The following GOLIM4 variants were observed in gnomAD, a reference collection of about 807,000 sequenced individuals.
GOLIM4 encodes golgi integral membrane protein 4.
Under a neutral mutation model 107.4 loss-of-function variants are expected in GOLIM4, and 71 were observed. That is an observed-to-expected ratio of 0.66 (90% confidence interval 0.55 to 0.81). GOLIM4 has a LOEUF of 0.81. Among genes scored for constraint, GOLIM4 ranks in the 30% least tolerant of loss-of-function variants. GOLIM4 has a pLI of 0.00. For missense variants in GOLIM4, 830 were observed against 826.1 expected (o/e 1.00, Z -0.06); for synonymous variants, 327 against 294.8 (o/e 1.11, Z -1.12).
rs201657300 is a variant in GOLIM4, at chr3:168,095,067, GC to G, written c.187+31del. On this transcript the variant is annotated intron_variant, in intron 1 of 15. Transcript: ENST00000470487. Reference sequence around the variant, plus strand: ...CGGGTGGAGGCGCGGGGCAAAGTTGGCCACCGGCTGCGCGCGTCCCGTTAGC... The same window carrying G: ...CGGGTGGAGGCGCGGGGCAAAGTTGGCACCGGCTGCGCGCGTCCCGTTAGC... 1.5e-3 allele frequency: 2,353 copies of G among 1,555,792 alleles called. 39 individuals are homozygous for G. The African/African-American group carries it at 0.028, about 18-fold the overall frequency.
intron 1 of GOLIM4, among the ~76,000 whole-genome samples, chr3:168,072,988 T>C (rs9820006): frequency 0.082 from 12,500 of 152,268 alleles, 1,667 homozygotes; most frequent in African/African-American, 0.29. Flanking sequence ...TTACCATTTC[T>C]ATAATACTTA....
intron 1 of GOLIM4, among the ~76,000 whole-genome samples, chr3:168,065,035 A>C (rs1055276048): frequency 1.3e-5 from 2 of 152,114 alleles, no homozygotes; most frequent in Non-Finnish European, 2.9e-5. Context: ...GGATTTTTCA[A>C]GTAGTTTGGG....
Position 168,020,311 on chromosome 3 carries a change from G to A in GOLIM4, c.1860+4215C>T, listed in dbSNP as rs148124288. 1.4e-3 allele frequency among the ~76,000 whole-genome samples: 220 copies of A among 152,224 alleles called. No individual in the cohort carries two copies. The East Asian group carries it at 0.018, about 12-fold the overall frequency. Reference sequence around the variant, plus strand: ...CAAATGGGCATATATACACAGATAGGAGTTTCAGACTTCCCAGATGCCATC... The same window carrying A: ...CAAATGGGCATATATACACAGATAGAAGTTTCAGACTTCCCAGATGCCATC... On this transcript the variant is annotated intron_variant, in intron 14 of 15. Transcript: ENST00000470487.
rs1389494630 is a variant in GOLIM4, at chr3:168,095,921, C to T, written c.-636G>A. On this transcript the variant is annotated 5_prime_UTR_variant, in exon 1 of 16. Transcript: ENST00000470487. ...AACTTACGTGTCACCCACGGCCCGG[C>T]TATTCTGGCCAACGGGATTCCGGGA... 6.6e-6 allele frequency: 1 copy of T among 152,414 alleles called. No individual in the cohort carries two copies. Among genetic ancestry groups the T allele is most frequent in the Non-Finnish European group, 1.5e-5 (1 of 68,180 alleles). The allele number at this position is 152,414 out of a possible 1,614,324, so 9.4% of individuals were successfully genotyped here. A position where few individuals can be genotyped will look rare whatever the true frequency, so the allele number is the denominator to read the frequency against.
At position 168,010,477 on chromosome 3, in the gene GOLIM4, T is replaced by C. The variant is rs1398468817; in HGVS notation, c.1942-59A>G. 2.6e-6 allele frequency: 3 copies of C among 1,172,238 alleles called. No individual in the cohort carries two copies. The East Asian group carries it at 7.1e-5, about 28-fold the overall frequency. The allele number at this position is 1,172,238 out of a possible 1,614,324, so 72.6% of individuals were successfully genotyped here. The stretch of plus-strand genomic sequence containing the variant: ...ATAGTATAGAGTTAGTGATAAATAA[T>C]TCTCTCTAAAAACAGGATGAAAAAT... On this transcript the variant is annotated intron_variant, in intron 15 of 15. Coordinates refer to ENST00000470487, the MANE Select transcript of GOLIM4 (RefSeq NM_014498.5).
At chr3:168,023,140 G>C (rs985338562) in intron 14 of GOLIM4, among the ~76,000 whole-genome samples, 1 of 152,168 alleles carries the variant, frequency 6.6e-6, no homozygotes, top group Non-Finnish European at 1.5e-5. Flanking sequence ...TAAAAAAGAA[G>C]CCAAGGTGAA....
In GOLIM4 at chr3:168,041,454, C is replaced by T. The variant is rs931141621; in HGVS notation, c.538G>A (p.Glu180Lys). ...KLKETVYNLR[E>K]ENRQLRKAHQ... Reference sequence around the variant, plus strand: ...GCTTTCCTTAGTTGTCTATTCTCTTCTCTCAAATTGTATACAGTCTCTATT... The same window carrying T: ...GCTTTCCTTAGTTGTCTATTCTCTTTTCTCAAATTGTATACAGTCTCTATT... Residue 180 changes from glutamate to lysine, a missense_variant, in exon 6 of 16, where the codon GAA becomes AAA. Coordinates refer to ENST00000470487, the MANE Select transcript of GOLIM4 (RefSeq NM_014498.5). 1 of 1,552,168 alleles carries T rather than the reference C, an allele frequency of 6.4e-7. No homozygotes were observed. Among genetic ancestry groups the T allele is most frequent in the African/African-American group, 1.4e-5 (1 of 73,848 alleles).
chr3:168,038,789 T>A (rs1718805815), intron 7 of GOLIM4, among the ~76,000 whole-genome samples: 1 of 152,188 alleles, frequency 6.6e-6, no homozygotes, highest in Non-Finnish European at 1.5e-5. Flanking sequence ...AATGTTTGTG[T>A]CCTCTCAAAA....
chr3:168,084,446 T>C (rs1577577836), intron 1 of GOLIM4, among the ~76,000 whole-genome samples: 1 of 152,172 alleles, frequency 6.6e-6, no homozygotes, highest in Admixed American at 6.5e-5. Flanking sequence ...TGATTGGAAA[T>C]GGATTTTCTA....
At chr3:168,040,905 C>T (rs764603063) in intron 6 of GOLIM4, 36 bp from the exon 7 acceptor site, 4 of 1,323,788 alleles carry the variant, frequency 3.0e-6, no homozygotes, top group African/African-American at 1.4e-5. Context: ...TGAGCTTTAA[C>T]ATTCTACGAC....
intron 1 of GOLIM4, among the ~76,000 whole-genome samples, chr3:168,060,430 T>C (rs1196186612): frequency 6.6e-6 from 1 of 152,196 alleles, no homozygotes; most frequent in Non-Finnish European, 1.5e-5. Context: ...ATCAAACTAC[T>C]GCATGTTATC....
Position 168,048,335 on chromosome 3 carries a change from T to C in GOLIM4, c.218A>G (p.Lys73Arg). 6.5e-7 allele frequency: 1 copy of C among 1,539,104 alleles called. No individual in the cohort carries two copies. Among genetic ancestry groups the C allele is most frequent in the Non-Finnish European group, 8.9e-7 (1 of 1,119,198 alleles). Reference protein sequence around the residue: ...VVYEHRSRLEKSLQKERLEHK... With the variant: ...VVYEHRSRLERSLQKERLEHK... ...TTCAAGTCTTTCTTTTTGCAAGGAT[T>C]TCTCTAATCTTGATCTGTGTTCATA... The change falls in exon 2 of 16, where the codon AAA becomes AGA. Residue 73 changes from lysine to arginine, a missense_variant. Physicochemically the swap from Lys to Arg is conservative, Grantham distance 26. Coordinates refer to ENST00000470487, the MANE Select transcript of GOLIM4 (RefSeq NM_014498.5).
intron 3 of GOLIM4, among the ~76,000 whole-genome samples, chr3:168,046,331 C>T (rs1341619637): frequency 6.6e-6 from 1 of 151,196 alleles, no homozygotes; most frequent in Non-Finnish European, 1.5e-5. Flanking sequence ...ATTGATCATT[C>T]TTGGGTGTTT....
intron 4 of GOLIM4, among the ~76,000 whole-genome samples, chr3:168,043,913 C>A (rs1285159522): frequency 6.6e-6 from 1 of 152,198 alleles, no homozygotes; most frequent in Admixed American, 6.5e-5. Flanking sequence ...CCCAGCAATG[C>A]ATTTAATTTT....
intron 4 of GOLIM4, 73 bp from the exon 5 acceptor site, chr3:168,043,602 G>A (rs1395932590): frequency 4.9e-6 from 6 of 1,213,680 alleles, no homozygotes; most frequent in Admixed American, 5.1e-5. Flanking sequence ...TGACAGCACA[G>A]TAAACAAAAA....
intron 7 of GOLIM4, among the ~76,000 whole-genome samples, chr3:168,039,511 G>A (rs1215289072): frequency 2.0e-5 from 3 of 151,980 alleles, no homozygotes; most frequent in African/African-American, 7.2e-5. Flanking sequence ...TGATCCACCC[G>A]CCTCGGCCTC....
intron 14 of GOLIM4, among the ~76,000 whole-genome samples, chr3:168,012,693 G>T: frequency 6.6e-6 from 1 of 151,906 alleles, no homozygotes; most frequent in Middle Eastern, 3.4e-3. Context: ...CGGATCTCTC[G>T]GCAGAAACTC....
At chr3:168,029,697 A>G in intron 10 of GOLIM4, 83 bp downstream of exon 10, 2 of 1,514,762 alleles carry the variant, frequency 1.3e-6, no homozygotes, top group Non-Finnish European at 1.8e-6. Context: ...TTCATGAATC[A>G]CAAATGCACA....
chr3:168,015,712 A>T (rs2108209885), intron 14 of GOLIM4, among the ~76,000 whole-genome samples: 1 of 135,998 alleles, frequency 7.4e-6, no homozygotes, highest in South Asian at 2.1e-4. Flanking sequence ...AATGGAACAG[A>T]ACAGAGCCCT....
Sources: gnomAD v4.1 joint callset for allele counts (sites outside exome capture counted in the v4.1 genomes callset) on GRCh38, gnomAD v4.1.1 for gene constraint, MANE v1.5 for transcripts, NCBI Gene and HGNC (gene_info 2026-07-23, HGNC 2026-07-21) for gene names.